TENM2: variants seen among roughly 807,000 people sequenced by gnomAD.
TENM2 encodes the protein teneurin transmembrane protein 2, also known as teneurin-2.
A neutral mutation model predicts 245.2 loss-of-function variants in TENM2; 52 were observed. The ratio of observed to expected loss-of-function variants is 0.21; its 90% CI spans 0.17 to 0.27. The LOEUF is 0.27. Among genes scored for constraint, TENM2 ranks in the 10% least tolerant of loss-of-function variants. The pLI is 1.00. For synonymous variants in TENM2, 1,363 were observed against 1,438.9 expected (o/e 0.95, Z 1.19); for missense variants, 3,046 against 3,666.8 (o/e 0.83, Z 4.37).
chr5:167,293,697 T>C (rs1279796113), intron 1 of TENM2, among the ~76,000 whole-genome samples: 3 of 152,100 alleles, frequency 2.0e-5, no homozygotes, highest in Non-Finnish European at 4.4e-5. Context: ...TGGAAGTACA[T>C]AGATTGTTAG....
At chr5:167,068,591 C>G in the TENM2 span, among the ~76,000 whole-genome samples, 2 of 152,094 alleles carry the variant, frequency 1.3e-5, no homozygotes, top group African/African-American at 4.8e-5. Flanking sequence ...TTTACACTTG[C>G]AGTGCATGTC....
intron 2 of TENM2, among the ~76,000 whole-genome samples, chr5:167,632,609 A>G (rs1778947245): frequency 6.6e-6 from 1 of 152,104 alleles, no homozygotes; most frequent in Admixed American, 6.5e-5. Flanking sequence ...TTGTTGCTTT[A>G]CTTTGGACTT....
intron 1 of TENM2, among the ~76,000 whole-genome samples, chr5:167,331,580 A>T (rs1364401452): frequency 6.6e-6 from 1 of 152,082 alleles, no homozygotes; most frequent in African/African-American, 2.4e-5. Flanking sequence ...CAAAAACTAG[A>T]CTTTTCTTTG....
exon 6 of TENM2, chr5:168,047,449 T>C (rs1788705719): frequency 3.9e-6 from 6 of 1,551,720 alleles, no homozygotes; most frequent in South Asian, 3.6e-5. Context: ...TCGGACTCAA[T>C]TGGCAACTCC....
chr5:167,834,441 C>T (rs558292690), intron 2 of TENM2, among the ~76,000 whole-genome samples: 1 of 152,276 alleles, frequency 6.6e-6, no homozygotes, highest in South Asian at 2.1e-4. Flanking sequence ...GTCTTCACTG[C>T]TGTAAGTACC....
intron 9 of TENM2, among the ~76,000 whole-genome samples, chr5:168,099,298 G>A (rs538973417): frequency 6.6e-6 from 1 of 152,114 alleles, no homozygotes; most frequent in Non-Finnish European, 1.5e-5. Context: ...TAGTGAAGGG[G>A]CAGTTGAGTG....
intron 13 of TENM2, among the ~76,000 whole-genome samples, chr5:168,169,027 G>A (rs1479517256): frequency 6.6e-6 from 1 of 152,094 alleles, no homozygotes; most frequent in East Asian, 1.9e-4. Context: ...TAAACACATT[G>A]TTATTATTAT....
At chr5:168,067,893 G>A (rs572385649) in intron 7 of TENM2, among the ~76,000 whole-genome samples, 5 of 152,256 alleles carry the variant, frequency 3.3e-5, no homozygotes, top group South Asian at 2.1e-4. Context: ...CCCCTGATAC[G>A]AAGTTTCATT....
At chr5:167,841,936 T>A (rs1206674077) in intron 2 of TENM2, among the ~76,000 whole-genome samples, 2 of 152,212 alleles carry the variant, frequency 1.3e-5, no homozygotes, top group African/African-American at 4.8e-5. Flanking sequence ...TATATATGTA[T>A]GTATATTTAT....
intron 4 of TENM2, among the ~76,000 whole-genome samples, chr5:167,963,183 G>A (rs2151893708): frequency 6.6e-6 from 1 of 152,222 alleles, no homozygotes; most frequent in South Asian, 2.1e-4. Flanking sequence ...CTTCAGCTGG[G>A]TTTTGAGGGA....
chr5:167,921,858 A>G (rs149559437), intron 3 of TENM2, among the ~76,000 whole-genome samples: 1 of 152,310 alleles, frequency 6.6e-6, no homozygotes, highest in African/African-American at 2.4e-5. Flanking sequence ...GAATACTAGT[A>G]TTACCCCAAC....
At chr5:167,496,564 C>G (rs1191223244) in intron 2 of TENM2, among the ~76,000 whole-genome samples, 1 of 152,010 alleles carries the variant, frequency 6.6e-6, no homozygotes, top group Non-Finnish European at 1.5e-5. Flanking sequence ...ATCCACTTTT[C>G]TTTTATTAGC....
At chr5:168,011,603 A>G (rs2152075495) in intron 5 of TENM2, among the ~76,000 whole-genome samples, 1 of 152,310 alleles carries the variant, frequency 6.6e-6, no homozygotes, top group East Asian at 1.9e-4. Context: ...TGTATAGCTC[A>G]TCTTTGGCTC....
chr5:167,388,908 A>G (rs1761598884), intron 2 of TENM2, among the ~76,000 whole-genome samples: 1 of 151,992 alleles, frequency 6.6e-6, no homozygotes, highest in African/African-American at 2.4e-5. Context: ...TTTAAAGATG[A>G]GTACTAAGTT....
chr5:168,168,330 A>C (rs1758489043), intron 13 of TENM2, among the ~76,000 whole-genome samples: 1 of 152,312 alleles, frequency 6.6e-6, no homozygotes, highest in African/African-American at 2.4e-5. Context: ...AATCCCCAGA[A>C]CACAGGAGTG....
intron 2 of TENM2, among the ~76,000 whole-genome samples, chr5:167,587,624 T>C (rs944206084): frequency 1.3e-5 from 2 of 152,214 alleles, no homozygotes; most frequent in Non-Finnish European, 2.9e-5. Context: ...TAGATTCCTT[T>C]AAAGAGAAGT....
At chr5:167,024,683 C>G in the TENM2 span, among the ~76,000 whole-genome samples, 1 of 152,036 alleles carries the variant, frequency 6.6e-6, no homozygotes, top group African/African-American at 2.4e-5. Flanking sequence ...CTTGGCCAGT[C>G]GAGGAGCTGA....
upstream of TENM2, among the ~76,000 whole-genome samples, chr5:167,282,156 C>A (rs927101816): frequency 6.6e-6 from 1 of 152,126 alleles, no homozygotes; most frequent in Non-Finnish European, 1.5e-5. Context: ...GATAGGATTT[C>A]ATGAGTCAGG....
intron 5 of TENM2, among the ~76,000 whole-genome samples, chr5:167,997,389 G>C (rs1408646581): frequency 1.3e-5 from 2 of 152,200 alleles, no homozygotes; most frequent in African/African-American, 2.4e-5. Context: ...GTTGGTTCCT[G>C]CTTCCTGAAT....
Sources: gnomAD v4.1 joint callset for allele counts (sites outside exome capture counted in the v4.1 genomes callset) on GRCh38, gnomAD v4.1.1 for gene constraint, MANE v1.5 for transcripts, NCBI Gene and HGNC (gene_info 2026-07-23, HGNC 2026-07-21) for gene names.